HHLA2: variants seen among roughly 807,000 people sequenced by gnomAD.
HHLA2 encodes HHLA2 member of B7 family.
A neutral mutation model predicts 45.9 loss-of-function variants in HHLA2; 48 were observed. The ratio of observed to expected loss-of-function variants is 1.05; its 90% CI spans 0.83 to 1.33. The LOEUF (loss-of-function observed/expected upper bound fraction) is 1.33, where lower values mean the gene tolerates loss of function less well. Among genes scored for constraint, HHLA2 ranks in the 40% most tolerant of loss-of-function variants. The pLI, the probability that HHLA2 is intolerant of heterozygous loss-of-function variation, is 0.00. For missense variants in HHLA2, 462 were observed against 494.3 expected (o/e 0.93, Z 0.62); for synonymous variants, 161 against 173.9 (o/e 0.93, Z 0.59).
chr3:108,376,705 C>T (rs11927780), intron 10 of HHLA2, 148 bp downstream of exon 9: 34,860 of 580,358 alleles, frequency 0.06, 1,360 homozygotes, highest in African/African-American at 0.13. Flanking sequence ...TAATATAGCA[C>T]GAAAAATATA....
intron 2 of HHLA2, among the ~76,000 whole-genome samples, chr3:108,312,358 C>T (rs1390436137): frequency 1.3e-5 from 2 of 152,250 alleles, no homozygotes; most frequent in African/African-American, 4.8e-5. Context: ...TGCTCCCTGG[C>T]TGGACCTTGC....
intron 1 of HHLA2, among the ~76,000 whole-genome samples, chr3:108,303,390 T>C (rs1422567104): frequency 2.6e-5 from 4 of 152,328 alleles, no homozygotes; most frequent in South Asian, 4.1e-4. Flanking sequence ...TGGCTTTCAG[T>C]GATATCACTT....
At chr3:108,357,682 T>C (rs1006538643) in intron 6 of HHLA2, among the ~76,000 whole-genome samples, 162 bp from the exon 6 acceptor site, 1 of 152,204 alleles carries the variant, frequency 6.6e-6, no homozygotes, top group African/African-American at 2.4e-5. Context: ...TAGTAAAACT[T>C]GTCTTTTAAG....
Position 108,376,486 on chromosome 3 carries a change from C to G in HHLA2, c.1160-7C>G, listed in dbSNP as rs1446046452. 1 of 1,582,720 alleles carries G rather than the reference C, an allele frequency of 6.3e-7. No individual in the cohort carries two copies. The highest frequency in any genetic ancestry group is 8.6e-7 in the Non-Finnish European group (1 of 1,168,988). On this transcript the variant is annotated splice_polypyrimidine_tract_variant and splice_region_variant and intron_variant, in intron 9 of 10. Transcript: ENST00000619531. ...TTATTTTTAAGTTCTCTTTTTTTTT[C>G]CTGTAGAAAGATGTTGTGTCCCTCC...
chr3:108,355,219 G>T (rs1560253595), exon 6 of HHLA2: 3 of 1,613,830 alleles, frequency 1.9e-6, no homozygotes, highest in East Asian at 4.5e-5. Context: ...GTGGAAAATG[G>T]ACAACACACC....
At chr3:108,360,518 C>T (rs2107479264) in intron 7 of HHLA2, among the ~76,000 whole-genome samples, 1 of 152,252 alleles carries the variant, frequency 6.6e-6, no homozygotes, top group Admixed American at 6.5e-5. Flanking sequence ...GCTTTGGGAC[C>T]ATTCTTAAAG....
exon 7 of HHLA2, chr3:108,358,042 T>C (rs779784217): frequency 6.2e-7 from 1 of 1,613,748 alleles, no homozygotes. Flanking sequence ...AAAGAGCTGA[T>C]AAACCAGAGT....
chr3:108,339,586 A>G (rs149912553), intron 3 of HHLA2, among the ~76,000 whole-genome samples: 2 of 152,206 alleles, frequency 1.3e-5, no homozygotes, highest in East Asian at 3.9e-4. Flanking sequence ...TAATGCATAT[A>G]TTAGTATATG....
chr3:108,297,925 C>A lies in HHLA2; in HGVS notation c.-192+1326C>A, dbSNP rs955069584. Among the ~76,000 whole-genome samples, 6 of 152,180 alleles carry A rather than the reference C, an allele frequency of 3.9e-5. No individual in the cohort carries two copies. In the East Asian group the frequency reaches 1.2e-3, roughly 29 times the overall value. ...CAGCATTAAACAAGGTGTTTTTCCT[C>A]CTGAGGTTGTCATGTCAACTCTAAA... is the stretch of plus-strand genomic sequence containing the variant. On this transcript the variant is annotated intron_variant, in intron 1 of 10. Transcript: ENST00000619531.
chr3:108,363,099 AT>A (rs1332806383), intron 8 of HHLA2, among the ~76,000 whole-genome samples: 1 of 152,156 alleles, frequency 6.6e-6, no homozygotes, highest in Admixed American at 6.5e-5. Context: ...CTTACCAGTA[AT>A]TTAAAATATC....
intron 3 of HHLA2, among the ~76,000 whole-genome samples, 198 bp from the exon 3 acceptor site, chr3:108,351,590 A>G (rs2107453350): frequency 1.3e-5 from 2 of 152,302 alleles, no homozygotes; most frequent in Middle Eastern, 6.8e-3. Context: ...AAAAGGAACC[A>G]TGCTATTTAG....
At chr3:108,342,381 A>G (rs1472110920) in intron 3 of HHLA2, among the ~76,000 whole-genome samples, 1 of 149,418 alleles carries the variant, frequency 6.7e-6, no homozygotes, top group East Asian at 2.0e-4. Flanking sequence ...CTCCTGCCTC[A>G]GCCTCCTGAG....
chr3:108,360,118 CTCTACT>C (rs2081962642), intron 7 of HHLA2, among the ~76,000 whole-genome samples: 1 of 127,112 alleles, frequency 7.9e-6, no homozygotes, highest in Non-Finnish European at 1.7e-5. Context: ...ATCCTCTATC[CTCTACT>C]TGCAATAAAT....
chr3:108,359,693 T>G (rs1286382987), intron 7 of HHLA2, among the ~76,000 whole-genome samples: 1 of 152,178 alleles, frequency 6.6e-6, no homozygotes, highest in Non-Finnish European at 1.5e-5. Context: ...CTATACCTTG[T>G]AGGATTTCCT....
At chr3:108,311,304 T>C (rs2081014610) in intron 2 of HHLA2, among the ~76,000 whole-genome samples, 1 of 152,210 alleles carries the variant, frequency 6.6e-6, no homozygotes, top group African/African-American at 2.4e-5. Context: ...CATGTAAATA[T>C]GCCAACTAAA....
intron 7 of HHLA2, among the ~76,000 whole-genome samples, chr3:108,361,512 C>T (rs908544669): frequency 6.6e-6 from 1 of 151,790 alleles, no homozygotes; most frequent in Non-Finnish European, 1.5e-5. Flanking sequence ...TCAGATACAC[C>T]AAAAAGAAGC....
At chr3:108,335,844 A>C (rs2012242) in intron 3 of HHLA2, among the ~76,000 whole-genome samples, 131,509 of 152,072 alleles carry the variant, frequency 0.86, 58,357 homozygotes, top group Non-Finnish European at 0.93. Context: ...ACCACACAGT[A>C]TTTCCCTCAT....
chr3:108,309,263 A>G lies in HHLA2; in HGVS notation c.-191-1392A>G, dbSNP rs558982520. ...TTTGCAAGCACCATATATTGAAGAG[A>G]CTATCTTTTCCCCAGTGAATGTTCT... On this transcript the variant is annotated intron_variant, in intron 1 of 10. Transcript: ENST00000619531. Among the ~76,000 whole-genome samples the G allele has an allele frequency of 6.6e-5, 10 of 152,258 alleles. No individual in the cohort carries two copies. The South Asian group carries it at 1.9e-3, about 28-fold the overall frequency.
chr3:108,319,006 T>C lies in HHLA2; in HGVS notation c.-105+8265T>C, dbSNP rs568586679. On this transcript the variant is annotated intron_variant, in intron 2 of 10. Transcript: ENST00000619531. ...TACAATATCACTCACAAGGTAGCTC[T>C]AAGTTCTTTGGCCACTGACTACCTT... is the stretch of plus-strand genomic sequence containing the variant. Among the ~76,000 whole-genome samples, 8 of 152,336 alleles carry C rather than the reference T, an allele frequency of 5.3e-5. No homozygotes were observed. The South Asian group carries it at 1.7e-3, about 32-fold the overall frequency.
Sources: allele counts gnomAD v4.1 joint callset (sites outside exome capture counted in the v4.1 genomes callset), GRCh38; gene constraint gnomAD v4.1.1; transcripts MANE v1.5; gene names NCBI Gene and HGNC (gene_info 2026-07-23, HGNC 2026-07-21).